NOX4: variants seen among roughly 807,000 people sequenced by gnomAD.
NOX4 encodes kidney oxidase-1.
Under a neutral mutation model 87.6 loss-of-function variants are expected in NOX4, and 69 were observed. That is an observed-to-expected ratio of 0.79 (90% confidence interval 0.65 to 0.96). The LOEUF (loss-of-function observed/expected upper bound fraction) is 0.96, where lower values mean the gene tolerates loss of function less well. NOX4 is among the 40% of genes least tolerant of loss of function. The probability of loss-of-function intolerance (pLI) is 0.00; values close to 1 mark genes in which losing one functional copy is unlikely to be tolerated. For missense variants in NOX4, 680 were observed against 681.5 expected (o/e 1.00, Z 0.02); for synonymous variants, 275 against 238.2 (o/e 1.15, Z -1.42).
the NOX4 span, among the ~76,000 whole-genome samples, chr11:89,529,440 A>G: frequency 3.3e-5 from 5 of 152,230 alleles, no homozygotes; most frequent in African/African-American, 1.2e-4. Context: ...GCCTGATTAC[A>G]CAGACCTTCA....
At chr11:89,357,925 C>T (rs994256601) in intron 12 of NOX4, among the ~76,000 whole-genome samples, 3 of 151,750 alleles carry the variant, frequency 2.0e-5, no homozygotes, top group African/African-American at 7.3e-5. Context: ...CGTGTGTGTG[C>T]ATACACACAC....
intron 8 of NOX4, among the ~76,000 whole-genome samples, chr11:89,415,894 G>C (rs1942739910): frequency 6.6e-6 from 1 of 152,060 alleles, no homozygotes; most frequent in Non-Finnish European, 1.5e-5. Flanking sequence ...AATGACCATG[G>C]TAGTGGACAT....
At chr11:89,392,022 T>C (rs1325177477) in intron 11 of NOX4, among the ~76,000 whole-genome samples, 1 of 150,986 alleles carries the variant, frequency 6.6e-6, no homozygotes, top group Non-Finnish European at 1.5e-5. Context: ...CGACCTGGGA[T>C]AATTTCCAGA....
At chr11:89,498,874 G>T (rs1345149388), upstream of NOX4, 1 of 152,276 alleles carries the variant, frequency 6.6e-6, no homozygotes, top group Non-Finnish European at 1.5e-5. Flanking sequence ...GCTGCACTCT[G>T]GAAGCCCAGA....
chr11:89,467,006 G>A (rs922965876), intron 2 of NOX4, among the ~76,000 whole-genome samples: 1 of 152,114 alleles, frequency 6.6e-6, no homozygotes, highest in Admixed American at 6.5e-5. Flanking sequence ...ACATAAAGCT[G>A]GAGAAGCTAA....
chr11:89,517,986 G>A, the NOX4 span, among the ~76,000 whole-genome samples: 8 of 151,958 alleles, frequency 5.3e-5, no homozygotes, highest in South Asian at 4.2e-4. Flanking sequence ...CCTTAATAAA[G>A]CAATTTCAAA....
At chr11:89,515,373 A>C in the NOX4 span, among the ~76,000 whole-genome samples, 1 of 151,816 alleles carries the variant, frequency 6.6e-6, no homozygotes, top group Non-Finnish European at 1.5e-5. Context: ...CTTCTTTTGT[A>C]AAATATCTGT....
At chr11:89,370,454 G>A (rs1939357652) in intron 12 of NOX4, among the ~76,000 whole-genome samples, 1 of 151,654 alleles carries the variant, frequency 6.6e-6, no homozygotes, top group South Asian at 2.1e-4. Flanking sequence ...ATAAGCAAGG[G>A]TATAGCATTA....
chr11:89,536,943 C>T, the NOX4 span, among the ~76,000 whole-genome samples: 1 of 152,162 alleles, frequency 6.6e-6, no homozygotes, highest in Non-Finnish European at 1.5e-5. Flanking sequence ...TGTGAATATT[C>T]ATTTCAAAAA....
At chr11:89,394,556 G>A (rs1283427214) in intron 11 of NOX4, among the ~76,000 whole-genome samples, 1 of 152,098 alleles carries the variant, frequency 6.6e-6, no homozygotes, top group East Asian at 1.9e-4. Flanking sequence ...ACAACGTGCA[G>A]GTTTGTTACA....
chr11:89,377,668 A>T (rs1448241833), intron 11 of NOX4, among the ~76,000 whole-genome samples: 2 of 152,200 alleles, frequency 1.3e-5, no homozygotes, highest in African/African-American at 2.4e-5. Flanking sequence ...CAATATAAAA[A>T]ATTACAAGCT....
chr11:89,520,781 T>C, the NOX4 span, among the ~76,000 whole-genome samples: 1 of 152,122 alleles, frequency 6.6e-6, no homozygotes, highest in African/African-American at 2.4e-5. Context: ...TATGATTCTA[T>C]CCCTAGAAAA....
chr11:89,335,121 CTATT>C (rs1157553349), intron 17 of NOX4, among the ~76,000 whole-genome samples: 1 of 151,616 alleles, frequency 6.6e-6, no homozygotes, highest in African/African-American at 2.4e-5. Flanking sequence ...TATGATGAAA[CTATT>C]TAGATGTAAA....
upstream of NOX4, chr11:89,491,410 G>A (rs2135501733): frequency 1.6e-6 from 1 of 621,360 alleles, no homozygotes; most frequent in Non-Finnish European, 2.6e-6. Context: ...GCCAGCCCGG[G>A]CGGGGTCTGC....
chr11:89,547,260 T>G, the NOX4 span, among the ~76,000 whole-genome samples: 1 of 152,234 alleles, frequency 6.6e-6, no homozygotes, highest in African/African-American at 2.4e-5. Flanking sequence ...ACCATTAATT[T>G]AGTTAATTGA....
At chr11:89,463,798 C>A (rs924903082) in intron 2 of NOX4, among the ~76,000 whole-genome samples, 5 of 151,876 alleles carry the variant, frequency 3.3e-5, no homozygotes, top group South Asian at 2.1e-4. Flanking sequence ...GATATAATAC[C>A]TTCTGGACTA....
At chr11:89,380,911 A>G (rs1940237909) in intron 11 of NOX4, among the ~76,000 whole-genome samples, 1 of 152,194 alleles carries the variant, frequency 6.6e-6, no homozygotes, top group Admixed American at 6.5e-5. Flanking sequence ...AGAGCAAAAC[A>G]ATTTTTAAGA....
At chr11:89,480,536 G>A (rs1320540451) in intron 2 of NOX4, among the ~76,000 whole-genome samples, 1 of 152,152 alleles carries the variant, frequency 6.6e-6, no homozygotes, top group Non-Finnish European at 1.5e-5. Context: ...ATGAGGCTGT[G>A]AAGGATAAGA....
chr11:89,378,726 G>A (rs1940049419), intron 11 of NOX4, among the ~76,000 whole-genome samples: 1 of 151,948 alleles, frequency 6.6e-6, no homozygotes, highest in Non-Finnish European at 1.5e-5. Context: ...GTCAAAGGTG[G>A]GCAGCTCTTC....
Sources: gnomAD v4.1 joint callset for allele counts (sites outside exome capture counted in the v4.1 genomes callset) on GRCh38, gnomAD v4.1.1 for gene constraint, MANE v1.5 for transcripts, NCBI Gene and HGNC (gene_info 2026-07-23, HGNC 2026-07-21) for gene names.